The following SLC1A6 variants were observed in gnomAD, a reference collection of about 807,000 sequenced individuals.
SLC1A6 encodes the protein solute carrier family 1 member 6.
SLC1A6 carries 15 observed loss-of-function variants against 42.1 expected under a neutral mutation model. The ratio of observed to expected loss-of-function variants is 0.36; its 90% CI spans 0.24 to 0.55. The LOEUF is 0.55. Ranked by LOEUF, SLC1A6 falls within the 20% of genes least tolerant of loss-of-function variation. SLC1A6 has a pLI of 0.88. For synonymous variants in SLC1A6, 317 were observed against 319.7 expected, an observed-to-expected ratio of 0.99 and a Z score of 0.09; for missense variants, 542 against 772.5, an observed-to-expected ratio of 0.70 and a Z score of 3.54.
chr19:14,963,877 C>T (rs1204133691), intron 5 of SLC1A6: 7 of 152,124 alleles, frequency 4.6e-5, no homozygotes, highest in Non-Finnish European at 8.8e-5. Flanking sequence ...GCTCTGTCAC[C>T]CATGTTGGAG....
intron 1 of SLC1A6, among the ~76,000 whole-genome samples, chr19:15,004,102 G>A (rs1021800250): frequency 1.3e-5 from 2 of 152,136 alleles, no homozygotes; most frequent in African/African-American, 2.4e-5. Context: ...GTTGCAGTGA[G>A]CCAAGATCAC....
chr19:15,002,738 G>T (rs1172200590), intron 1 of SLC1A6, among the ~76,000 whole-genome samples: 1 of 152,146 alleles, frequency 6.6e-6, no homozygotes, highest in Non-Finnish European at 1.5e-5. Context: ...AGGTGAAAAA[G>T]AAAACATGTG....
Position 14,950,250 on chromosome 19 carries a change from A to G in SLC1A6, c.1640T>C (p.Met547Thr), listed in dbSNP as rs771206287. 6.2e-7 allele frequency: 1 copy of G among 1,608,818 alleles called. No homozygotes were observed. Among genetic ancestry groups the G allele is most frequent in the East Asian group, 2.2e-5 (1 of 44,654 alleles). Reference sequence around the variant, plus strand: ...CCGGGATGCCCCCTTCTCCTGTGCCATGAGGGACTTGTAGGGTTTCCCCAG... The same window carrying G: ...CCGGGATGCCCCCTTCTCCTGTGCCGTGAGGGACTTGTAGGGTTTCCCCAG... ...PSLGKPYKSL[M>T]AQEKGASRGR... The change falls in exon 10 of 10, where the codon ATG (methionine) becomes ACG (threonine). Residue 547 changes from methionine (M) to threonine (T), a missense_variant. Transcript: ENST00000594383.
chr19:14,954,362 C>T (rs747929561), intron 7 of SLC1A6, 33 bp from the exon 8 acceptor site: 14 of 1,590,968 alleles, frequency 8.8e-6, no homozygotes, highest in Non-Finnish European at 1.1e-5. Context: ...GAGGATGGGG[C>T]GTGGCCTGGT....
chr19:14,959,973 C>T (rs2045494816), intron 6 of SLC1A6, among the ~76,000 whole-genome samples: 1 of 152,180 alleles, frequency 6.6e-6, no homozygotes, highest in South Asian at 2.1e-4. Context: ...GTCTGTCTCC[C>T]CTAAGATTTT....
At chr19:15,002,103 G>C (rs1344996055) in intron 1 of SLC1A6, among the ~76,000 whole-genome samples, 3 of 151,558 alleles carry the variant, frequency 2.0e-5, no homozygotes, top group Non-Finnish European at 4.4e-5. Flanking sequence ...GTTTTATTTT[G>C]TTTTGAGACA....
At chr19:14,990,260 A>G (rs183799584) in intron 1 of SLC1A6, among the ~76,000 whole-genome samples, 7 of 152,314 alleles carry the variant, frequency 4.6e-5, no homozygotes, top group Non-Finnish European at 7.4e-5. Flanking sequence ...GACAACATGA[A>G]CAAATGACAG....
chr19:14,958,379 C>A (rs55661666), intron 6 of SLC1A6, among the ~76,000 whole-genome samples: 20,190 of 151,448 alleles, frequency 0.13, 1,767 homozygotes, highest in African/African-American at 0.26. Flanking sequence ...TCACTGCACT[C>A]CAGCTTGGGC....
In SLC1A6 at chr19:14,989,327, T is replaced by C. The variant is rs925841992; in HGVS notation, c.7-16410A>G. The stretch of plus-strand genomic sequence containing the variant: ...CCCAGGCTGGAGTGCAATGGCGTGA[T>C]CTCGGCTCACTGCAACCTCCACCTC... On this transcript the variant is annotated intron_variant, in intron 1 of 8. Coordinates refer to the SLC1A6 transcript ENST00000430939. Among the ~76,000 whole-genome samples the C allele has an allele frequency of 2.0e-5, 3 of 152,228 alleles. No homozygotes were observed. The East Asian group carries it at 5.8e-4, about 30-fold the overall frequency.
At chr19:14,999,332 A>G (rs953466661) in intron 1 of SLC1A6, among the ~76,000 whole-genome samples, 1 of 152,178 alleles carries the variant, frequency 6.6e-6, no homozygotes, top group African/African-American at 2.4e-5. Flanking sequence ...CCAATTGCCA[A>G]TTGGAAAATC....
At chr19:14,965,748 G>A (rs555035606) in intron 4 of SLC1A6, among the ~76,000 whole-genome samples, 7 of 151,880 alleles carry the variant, frequency 4.6e-5, no homozygotes, top group Non-Finnish European at 8.8e-5. Context: ...TACTCAGGAG[G>A]CTGACACAGG....
rs142809449 is a variant in SLC1A6, at chr19:15,005,306, C to T, written c.6+5179G>A. 3.7e-3 allele frequency among the ~76,000 whole-genome samples: 554 copies of T among 148,358 alleles called. 4 individuals are homozygous for T. Among genetic ancestry groups the T allele is most frequent in the Non-Finnish European group, 5.6e-3 (377 of 67,342 alleles). On this transcript the variant is annotated intron_variant, in intron 1 of 8. Coordinates refer to the SLC1A6 transcript ENST00000430939. ...GGGCACGGTGGCGGTCAGGAGTTCACGAATAGCCTGGCCAACAATGGTGAA... is the reference window on the plus strand; with the variant it reads ...GGGCACGGTGGCGGTCAGGAGTTCATGAATAGCCTGGCCAACAATGGTGAA...
At chr19:14,990,723 C>T (rs956326717) in intron 1 of SLC1A6, among the ~76,000 whole-genome samples, 8 of 150,788 alleles carry the variant, frequency 5.3e-5, no homozygotes, top group African/African-American at 1.5e-4. Context: ...GAGCCAAGAT[C>T]ATACCACTGC....
At chr19:14,973,665 C>T (rs2045670984) in intron 1 of SLC1A6, 1 of 152,846 alleles carries the variant, frequency 6.5e-6, no homozygotes, top group African/African-American at 2.4e-5. Flanking sequence ...GGGGGCTGCC[C>T]CAGTGGCTCA....
intron 1 of SLC1A6, among the ~76,000 whole-genome samples, chr19:14,996,588 C>CTTCTTCTTCTTCTTCT (rs1555710449): frequency 2.3e-4 from 34 of 150,492 alleles, no homozygotes; most frequent in African/African-American, 2.9e-4. Flanking sequence ...TCTTCTTCCT[C>CTTCTTCTTCTTCTTCT]TCATTGTACC....
Position 14,952,982 on chromosome 19 carries a change from G to A in SLC1A6, c.1445C>T (p.Ser482Leu), listed in dbSNP as rs769743084. The A allele has an allele frequency of 2.5e-6, 4 of 1,614,024 alleles. No homozygotes were observed. The highest frequency in any genetic ancestry group is 3.4e-6 in the Non-Finnish European group (4 of 1,179,988). ...GATGTCTTCCGTGGGCAAGCCGACC[G>A]ACGTAAGCACAATGACCATGGTGAC... Reference protein sequence around the residue: ...GLVTMVIVLTSVGLPTEDITL... With the variant: ...GLVTMVIVLTLVGLPTEDITL... The change falls in exon 9 of 10, where the codon TCG becomes TTG. Residue 482 changes from serine to leucine, a missense_variant. Transcript: ENST00000594383.
At position 14,950,175 on chromosome 19, in the gene SLC1A6, G is replaced by C; in HGVS notation, c.*20C>G. The C allele has an allele frequency of 1.9e-5, 28 of 1,493,562 alleles. No homozygotes were observed. Among genetic ancestry groups the C allele is most frequent in the Non-Finnish European group, 2.5e-5 (28 of 1,115,396 alleles). 92.5% of individuals were successfully genotyped at this position (1,493,562 alleles called of 1,614,324 possible). Reference sequence around the variant, plus strand: ...CCAGCCCCCTTCCCTCCTCTCTGGGGGGGCAGAGCTGGAGGCCCCTCACAT... The same window carrying C: ...CCAGCCCCCTTCCCTCCTCTCTGGGCGGGCAGAGCTGGAGGCCCCTCACAT... On this transcript the variant is annotated 3_prime_UTR_variant, in exon 10 of 10. Coordinates refer to ENST00000594383, the MANE Select transcript of SLC1A6 (RefSeq NM_005071.3).
At chr19:14,964,059 C>T in intron 5 of SLC1A6, 1 of 334,914 alleles carries the variant, frequency 3.0e-6, no homozygotes. Context: ...GAACTTTTGG[C>T]CTCAAGTGAT....
chr19:14,980,420 T>C (rs542492216), upstream of SLC1A6: 1 of 152,406 alleles, frequency 6.6e-6, no homozygotes, highest in South Asian at 2.1e-4. Context: ...AATGACTTGG[T>C]TGCTTCCCAC....
Sources: gnomAD v4.1 joint callset for allele counts (sites outside exome capture counted in the v4.1 genomes callset) on GRCh38, gnomAD v4.1.1 for gene constraint, MANE v1.5 for transcripts, NCBI Gene and HGNC (gene_info 2026-07-23, HGNC 2026-07-21) for gene names.